The following MINDY4 variants were observed in gnomAD, a reference collection of about 807,000 sequenced individuals.
MINDY4 encodes MINDY lysine 48 deubiquitinase 4.
Under a neutral mutation model 87.0 loss-of-function variants are expected in MINDY4, and 68 were observed. The ratio of observed to expected loss-of-function variants is 0.78; its 90% CI spans 0.64 to 0.96. MINDY4 has a LOEUF of 0.96. Ranked by LOEUF, MINDY4 falls within the 40% of genes least tolerant of loss-of-function variation. The pLI, the probability that MINDY4 is intolerant of heterozygous loss-of-function variation, is 0.00. For synonymous variants in MINDY4, 379 were observed against 363.2 expected, an observed-to-expected ratio of 1.04 and a Z score of -0.50; for missense variants, 919 against 928.2, an observed-to-expected ratio of 0.99 and a Z score of 0.13.
chr7:30,869,042 C>G (rs1249171430), intron 13 of MINDY4, among the ~76,000 whole-genome samples: 1 of 152,192 alleles, frequency 6.6e-6, no homozygotes, highest in Non-Finnish European at 1.5e-5. Flanking sequence ...TGGAGGGGCC[C>G]CCAGTGCAGG....
At chr7:30,879,561 C>G (rs1790394805) in intron 15 of MINDY4, among the ~76,000 whole-genome samples, 1 of 152,262 alleles carries the variant, frequency 6.6e-6, no homozygotes, top group Non-Finnish European at 1.5e-5. Context: ...CCGCACCACT[C>G]TCTCCCGCAG....
In MINDY4 at chr7:30,852,196, C is replaced by T. The variant is rs1242988672; in HGVS notation, c.1548-20C>T. On this transcript the variant is annotated intron_variant, in intron 10 of 17. Coordinates refer to ENST00000265299, the MANE Select transcript of MINDY4 (RefSeq NM_032222.3). ...CTTCTCTCCACTCAGAGGACTCATG[C>T]ACCTTCCTTTCCTTTTTAGGGCTTC... is the stretch of plus-strand genomic sequence containing the variant. The T allele has an allele frequency of 6.2e-7, 1 of 1,613,980 alleles. No homozygotes were observed.
Position 30,828,686 on chromosome 7 carries a change from C to T in MINDY4, c.1081C>T (p.Gln361Ter), listed in dbSNP as rs766817774. The T allele has an allele frequency of 1.2e-6, 2 of 1,613,796 alleles. No homozygotes were observed. The highest frequency in any genetic ancestry group is 1.3e-5 in the African/African-American group (1 of 74,912). The change falls in exon 6 of 18, where the codon CAG becomes TAG. Residue 361 changes from glutamine to a stop codon, truncating the protein, a stop_gained. Coordinates refer to ENST00000265299, the MANE Select transcript of MINDY4 (RefSeq NM_032222.3). LOFTEE classifies it high-confidence loss of function. ...GSQPAPVRKN[Q>*]LLPSDKVDGE... is the part of the protein sequence containing the mutation. ...ATATTTTCTATTTTCCAGGAAAAAT[C>T]AGTTGCTGCCGTCTGACAAGGTGGA...
At chr7:30,838,840 C>T (rs1245460578) in intron 7 of MINDY4, among the ~76,000 whole-genome samples, 2 of 152,100 alleles carry the variant, frequency 1.3e-5, no homozygotes, top group East Asian at 1.9e-4. Flanking sequence ...AATGTGAGGT[C>T]GAGTTTGAAA....
intron 16 of MINDY4, 28 bp from the exon 17 acceptor site, chr7:30,882,893 A>C (rs748741163): frequency 2.1e-6 from 3 of 1,459,336 alleles, no homozygotes; most frequent in Admixed American, 3.7e-5. Context: ...CCTGGGTGAC[A>C]TGTGTGTGCC....
In MINDY4 at chr7:30,850,567, C is replaced by A; in HGVS notation, c.1547+12C>A. ...GCCGTTGTTGCACTGTAAGTGGTTC[C>A]GAGGTCTGTGTTGCCGTGGCTCATC... On this transcript the variant is annotated intron_variant, in intron 10 of 17. Coordinates refer to ENST00000265299, the MANE Select transcript of MINDY4 (RefSeq NM_032222.3). The A allele has an allele frequency of 6.3e-7, 1 of 1,590,090 alleles. No individual in the cohort carries two copies. The highest frequency in any genetic ancestry group is 2.3e-5 in the East Asian group (1 of 43,570).
At chr7:30,846,939 C>T (rs1302589971) in intron 9 of MINDY4, among the ~76,000 whole-genome samples, 2 of 152,168 alleles carry the variant, frequency 1.3e-5, no homozygotes, top group East Asian at 3.9e-4. Context: ...TTCACTGGCT[C>T]GTCCGCTGCT....
intron 15 of MINDY4, among the ~76,000 whole-genome samples, chr7:30,880,229 C>G (rs1790416305): frequency 6.6e-6 from 1 of 151,906 alleles, no homozygotes; most frequent in Admixed American, 6.5e-5. Flanking sequence ...TAAGTAATCC[C>G]TAATTGTGCT....
intron 13 of MINDY4, among the ~76,000 whole-genome samples, chr7:30,865,691 G>C (rs1244772230): frequency 6.6e-6 from 1 of 152,236 alleles, no homozygotes; most frequent in African/African-American, 2.4e-5. Context: ...TGCCATCTTA[G>C]GCCTTTGTTG....
At chr7:30,882,039 G>T (rs948016981) in intron 15 of MINDY4, 142 bp from the exon 16 acceptor site, 13 of 846,626 alleles carry the variant, frequency 1.5e-5, no homozygotes, top group Non-Finnish European at 2.2e-5. Flanking sequence ...CCTGAGCAGC[G>T]TGAGGGGCTC....
intron 13 of MINDY4, among the ~76,000 whole-genome samples, chr7:30,867,780 G>A (rs1377357438): frequency 6.6e-6 from 1 of 152,186 alleles, no homozygotes; most frequent in Non-Finnish European, 1.5e-5. Context: ...ATCCTCCAGG[G>A]CCTGGTGCCC....
At chr7:30,820,956 AT>A (rs577423680) in intron 5 of MINDY4, among the ~76,000 whole-genome samples, 27 of 152,012 alleles carry the variant, frequency 1.8e-4, no homozygotes, top group African/African-American at 6.0e-4. Context: ...ACTGAAATGT[AT>A]TTTTTTTCTA....
chr7:30,870,474 TG>T (rs1790068722), intron 13 of MINDY4, among the ~76,000 whole-genome samples: 1 of 152,190 alleles, frequency 6.6e-6, no homozygotes, highest in Admixed American at 6.5e-5. Context: ...CTGTCTGTGG[TG>T]GGTGAGCCTC....
chr7:30,796,179 C>T (rs1216504690), intron 5 of MINDY4, among the ~76,000 whole-genome samples: 2 of 152,012 alleles, frequency 1.3e-5, no homozygotes, highest in African/African-American at 2.4e-5. Context: ...TCTCAATCTC[C>T]CTTCTGACCA....
At chr7:30,887,347 G>A (rs1453095250) in intron 17 of MINDY4, among the ~76,000 whole-genome samples, 5 of 152,224 alleles carry the variant, frequency 3.3e-5, no homozygotes. Context: ...AGCTCCAGAA[G>A]GTCTGGTTCT....
chr7:30,810,704 GT>G (rs1787965778), intron 5 of MINDY4, among the ~76,000 whole-genome samples: 1 of 151,998 alleles, frequency 6.6e-6, no homozygotes, highest in African/African-American at 2.4e-5. Context: ...GAATAAATAT[GT>G]ATACAAAGTT....
chr7:30,823,987 C>A (rs887324080), intron 5 of MINDY4, among the ~76,000 whole-genome samples: 3 of 152,134 alleles, frequency 2.0e-5, no homozygotes, highest in Admixed American at 2.0e-4. Context: ...GATTCTTGTG[C>A]CATATAAATG....
chr7:30,776,864 G>A (rs921450237), intron 1 of MINDY4, among the ~76,000 whole-genome samples: 1 of 152,292 alleles, frequency 6.6e-6, no homozygotes, highest in South Asian at 2.1e-4. Context: ...GCACATAGGA[G>A]GTGCATGACA....
chr7:30,803,520 G>C (rs1787721671), intron 5 of MINDY4: 1 of 152,242 alleles, frequency 6.6e-6, no homozygotes. Flanking sequence ...GCTTAGAGGA[G>C]AGGGAGGGGG....
Sources: allele counts gnomAD v4.1 joint callset (sites outside exome capture counted in the v4.1 genomes callset), GRCh38; gene constraint gnomAD v4.1.1; transcripts MANE v1.5; gene names NCBI Gene and HGNC (gene_info 2026-07-23, HGNC 2026-07-21).